SKIL: variants seen among roughly 807,000 people sequenced by gnomAD.
The protein encoded by SKIL is SKI like proto-oncogene, also known as ski-like protein.
SKIL carries 20 observed loss-of-function variants against 69.6 expected under a neutral mutation model. The ratio of observed to expected loss-of-function variants is 0.29; its 90% confidence interval spans 0.20 to 0.42. The LOEUF (loss-of-function observed/expected upper bound fraction) is 0.42, where lower values mean the gene tolerates loss of function less well. SKIL is among the 10% of genes least tolerant of loss of function. The probability of loss-of-function intolerance (pLI) is 1.00; values close to 1 mark genes in which losing one functional copy is unlikely to be tolerated. For missense variants in SKIL, 745 were observed against 783.1 expected, an observed-to-expected ratio of 0.95 and a Z score of 0.58; for synonymous variants, 310 against 279.9, an observed-to-expected ratio of 1.11 and a Z score of -1.08.
In SKIL at chr3:170,393,702, A is replaced by G. The variant is rs1465323008; in HGVS notation, c.*1285A>G. ...TTTTTAAAGGGAGTTTCCTGAAACT[A>G]TCATTAATTGACATTATTACCCCAT... On this transcript the variant is annotated 3_prime_UTR_variant, in exon 7 of 7. Coordinates refer to ENST00000259119, the MANE Select transcript of SKIL (RefSeq NM_005414.5). 1.3e-5 allele frequency: 2 copies of G among 152,180 alleles called. No individual in the cohort carries two copies. The highest frequency in any genetic ancestry group is 1.9e-4 in the East Asian group (1 of 5,206). 9.4% of individuals were successfully genotyped at this position (152,180 alleles called of 1,614,324 possible). A position where few individuals can be genotyped will look rare whatever the true frequency, so the allele number is the denominator to read the frequency against.
At chr3:170,391,311 C>G in intron 6 of SKIL, 51 bp downstream of exon 6, 1 of 1,045,558 alleles carries the variant, frequency 9.6e-7, no homozygotes, top group Non-Finnish European at 1.4e-6. Flanking sequence ...GAAATGGAAA[C>G]TGTTACTTCT....
Position 170,390,235 on chromosome 3 carries a change from C to A in SKIL, c.1442C>A (p.Ser481Ter). The part of the protein sequence containing the change: ...ELCSRLDASI[S>*]NNSTSKRKSE... ...TTTTCTCTCCAAGATGCATCAATCTCAAATAATTCTACAAGTAAAAGGAAA... is the reference window on the plus strand; with the variant it reads ...TTTTCTCTCCAAGATGCATCAATCTAAAATAATTCTACAAGTAAAAGGAAA... The change falls in exon 5 of 7, where the codon TCA becomes TAA. Residue 481 changes from serine (S) to a stop codon, truncating the protein, a stop_gained. Coordinates refer to ENST00000259119, the MANE Select transcript of SKIL (RefSeq NM_005414.5). LOFTEE classifies it high-confidence loss of function. The A allele has an allele frequency of 6.2e-7, 1 of 1,610,484 alleles. No homozygotes were observed. Among genetic ancestry groups the A allele is most frequent in the South Asian group, 1.1e-5 (1 of 90,916 alleles).
intron 4 of SKIL, among the ~76,000 whole-genome samples, chr3:170,387,739 C>T (rs1318177272): frequency 4.6e-5 from 6 of 130,498 alleles, no homozygotes; most frequent in African/African-American, 1.1e-4. Flanking sequence ...CCGGCTAAAA[C>T]GGTGAAACCC....
At chr3:170,388,868 T>TTATG (rs1225727684) in intron 4 of SKIL, among the ~76,000 whole-genome samples, 58 of 135,670 alleles carry the variant, frequency 4.3e-4, no homozygotes, top group African/African-American at 1.6e-3. Context: ...ATGTATTTAT[T>TTATG]TATTTATTTA....
In SKIL at chr3:170,371,201, A is replaced by G. The variant is rs182124567; in HGVS notation, c.1098+9772A>G. On this transcript the variant is annotated intron_variant, in intron 2 of 6. Transcript: ENST00000259119. The stretch of plus-strand genomic sequence containing the variant: ...AAAAGCATTTCTAGAGTGCATAAGT[A>G]TTAATAAAGGAGTAGTAGGCCTGGT... 2.8e-4 allele frequency among the ~76,000 whole-genome samples: 43 copies of G among 152,322 alleles called. No individual in the cohort carries two copies. The Middle Eastern group carries it at 0.01, about 36-fold the overall frequency.
chr3:170,396,502 A>G lies in SKIL; in HGVS notation c.*4085A>G, dbSNP rs561584119. 1 of 152,338 alleles carries G rather than the reference A, an allele frequency of 6.6e-6. No individual in the cohort carries two copies. The highest frequency in any genetic ancestry group is 1.9e-4 in the East Asian group (1 of 5,184). 9.4% of individuals were successfully genotyped at this position (152,338 alleles called of 1,614,324 possible). The stretch of plus-strand genomic sequence containing the variant: ...TGTTCTGCAACTGTTGAAACAAATA[A>G]TTGGCTACATTGACCATAATTAAAG... On this transcript the variant is annotated 3_prime_UTR_variant, in exon 7 of 7. Coordinates refer to ENST00000259119, the MANE Select transcript of SKIL (RefSeq NM_005414.5).
intron 2 of SKIL, among the ~76,000 whole-genome samples, chr3:170,374,110 G>A (rs2108205208): frequency 6.6e-6 from 1 of 152,260 alleles, no homozygotes; most frequent in South Asian, 2.1e-4. Flanking sequence ...TTATCAAAGG[G>A]TCACGTATAC....
Position 170,384,757 on chromosome 3 carries a change from G to C in SKIL, c.1421G>C (p.Ser474Thr). Residue 474 changes from serine (S) to threonine (T), a missense_variant, in exon 4 of 7, where the codon AGC (serine) becomes ACC (threonine). Transcript: ENST00000259119. ...MDLKTSRELCSRLDASISNNS... is the reference protein window; with the variant it reads ...MDLKTSRELCTRLDASISNNS... Reference sequence around the variant, plus strand: ...TTAAAAACAAGTAGAGAATTATGTAGCCGTTTAGGTAAGTATTCAGAGATT... The same window carrying C: ...TTAAAAACAAGTAGAGAATTATGTACCCGTTTAGGTAAGTATTCAGAGATT... The C allele has an allele frequency of 6.6e-7, 1 of 1,510,706 alleles. No individual in the cohort carries two copies. Among genetic ancestry groups the C allele is most frequent in the Non-Finnish European group, 9.2e-7 (1 of 1,090,136 alleles). The allele number at this position is 1,510,706 out of a possible 1,614,324, so 93.6% of individuals were successfully genotyped here. A position where few individuals can be genotyped will look rare whatever the true frequency, so the allele number is the denominator to read the frequency against.
chr3:170,361,872 C>T (rs772145798), intron 2 of SKIL, among the ~76,000 whole-genome samples: 34 of 151,948 alleles, frequency 2.2e-4, no homozygotes, highest in Non-Finnish European at 7.4e-5. Context: ...TCCTTGAGCC[C>T]CTGTGTCCAG....
chr3:170,384,641 A>C lies in SKIL; in HGVS notation c.1305A>C (p.Ser435=). 2 of 1,612,226 alleles carry C rather than the reference A, an allele frequency of 1.2e-6. No individual in the cohort carries two copies. The highest frequency in any genetic ancestry group is 8.5e-7 in the Non-Finnish European group (1 of 1,178,242). ...AGACAGAGGCAAGTAAGTCCATATC[A>C]AGACAGTCAGAGAAGGCTCACAGTA... is the stretch of plus-strand genomic sequence containing the variant. ...LTKTEASKSI[S]RQSEKAHSSG... is the part of the protein sequence containing the mutation. Residue 435 remains serine, a synonymous_variant, in exon 4 of 7, where the codon TCA becomes TCC. Transcript: ENST00000259119.
chr3:170,375,895 A>G (rs1356015255), intron 2 of SKIL, among the ~76,000 whole-genome samples: 1 of 152,000 alleles, frequency 6.6e-6, no homozygotes, highest in African/African-American at 2.4e-5. Flanking sequence ...TAGTAGTTTT[A>G]ATTTAAAAAA....
chr3:170,382,079 C>CA (rs977918410), intron 3 of SKIL, among the ~76,000 whole-genome samples: 12 of 145,450 alleles, frequency 8.3e-5, no homozygotes, highest in Non-Finnish European at 1.4e-4. Flanking sequence ...AAAACTGTCT[C>CA]AAAAAAAAAG....
chr3:170,391,294 C>A, intron 6 of SKIL, 34 bp downstream of exon 6: 2 of 1,207,948 alleles, frequency 1.7e-6, no homozygotes, highest in Non-Finnish European at 2.4e-6. Context: ...GGTGCCCTTT[C>A]AGCATGGAAA....
At chr3:170,382,145 T>A (rs565362286) in intron 3 of SKIL, among the ~76,000 whole-genome samples, 112 of 152,286 alleles carry the variant, frequency 7.4e-4, no homozygotes, top group South Asian at 1.5e-3. Flanking sequence ...TTAATGTATT[T>A]TTTGTTTCTA....
chr3:170,360,394 G>T lies in SKIL; in HGVS notation c.63G>T (p.Met21Ile). Reference protein sequence around the residue: ...VQGSTKKLNGMGDDGSPPAKK... With the variant: ...VQGSTKKLNGIGDDGSPPAKK... Reference sequence around the variant, plus strand: ...GCTCAACTAAAAAACTGAATGGGATGGGAGATGATGGCAGCCCCCCAGCGA... The same window carrying T: ...GCTCAACTAAAAAACTGAATGGGATTGGAGATGATGGCAGCCCCCCAGCGA... Residue 21 changes from methionine to isoleucine, a missense_variant, in exon 2 of 7, where the codon ATG becomes ATT. Transcript: ENST00000259119. 6.2e-7 allele frequency: 1 copy of T among 1,608,836 alleles called. No homozygotes were observed. The highest frequency in any genetic ancestry group is 1.1e-5 in the South Asian group (1 of 90,184).
Position 170,360,987 on chromosome 3 carries a change from G to T in SKIL, c.656G>T (p.Gly219Val). The T allele has an allele frequency of 6.2e-7, 1 of 1,614,072 alleles. No homozygotes were observed. The highest frequency in any genetic ancestry group is 8.5e-7 in the Non-Finnish European group (1 of 1,180,020). ...GILPFNAPSCGLITLTDAQRL... is the reference protein window; with the variant it reads ...GILPFNAPSCVLITLTDAQRL... The stretch of plus-strand genomic sequence containing the variant: ...CTTCCATTCAATGCCCCATCCTGTG[G>T]GCTGATTACATTAACTGATGCACAA... The change falls in exon 2 of 7, where the codon GGG (glycine) becomes GTG (valine). Residue 219 changes from glycine (G) to valine (V), a missense_variant. Gly to Val is a moderately radical substitution (Grantham distance 109). Transcript: ENST00000259119.
At position 170,395,841 on chromosome 3, in the gene SKIL, A is replaced by T. The variant is rs776324796; in HGVS notation, c.*3424A>T. On this transcript the variant is annotated 3_prime_UTR_variant, in exon 7 of 7. Coordinates refer to ENST00000259119, the MANE Select transcript of SKIL (RefSeq NM_005414.5). The stretch of plus-strand genomic sequence containing the variant: ...TCTGTGCTTGGAACTACTTGTTAAT[A>T]GTTTTTATCGAAGCTGTCAGCAATA... 1 of 152,112 alleles carries T rather than the reference A, an allele frequency of 6.6e-6. No homozygotes were observed. The allele number at this position is 152,112 out of a possible 1,614,324, so 9.4% of individuals were successfully genotyped here. A position where few individuals can be genotyped will look rare whatever the true frequency, so the allele number is the denominator to read the frequency against.
At chr3:170,389,386 T>A (rs1737799111) in intron 4 of SKIL, among the ~76,000 whole-genome samples, 1 of 150,830 alleles carries the variant, frequency 6.6e-6, no homozygotes, top group African/African-American at 2.4e-5. Flanking sequence ...CTATCTCGGC[T>A]CACTGCAAGC....
At chr3:170,382,611 C>T (rs1367426247) in intron 3 of SKIL, among the ~76,000 whole-genome samples, 5 of 151,904 alleles carry the variant, frequency 3.3e-5, no homozygotes, top group Non-Finnish European at 7.4e-5. Flanking sequence ...TGGGGTTTCA[C>T]CATGTTGGCC....
Sources: allele counts gnomAD v4.1 joint callset (sites outside exome capture counted in the v4.1 genomes callset), GRCh38; gene constraint gnomAD v4.1.1; transcripts MANE v1.5; gene names NCBI Gene and HGNC (gene_info 2026-07-23, HGNC 2026-07-21).